IPO4: variants seen among roughly 807,000 people sequenced by gnomAD.
IPO4 encodes importin-4.
A neutral mutation model predicts 133.5 loss-of-function variants in IPO4; 91 were observed. The ratio of observed to expected loss-of-function variants is 0.68; its 90% CI spans 0.58 to 0.81. The LOEUF (loss-of-function observed/expected upper bound fraction) is 0.81. Ranked by LOEUF, IPO4 falls within the 30% of genes least tolerant of loss-of-function variation. The pLI is 0.00. For synonymous variants in IPO4, 607 were observed against 581.6 expected, an observed-to-expected ratio of 1.04 and a Z score of -0.63; for missense variants, 1,279 against 1,386.2, an observed-to-expected ratio of 0.92 and a Z score of 1.23.
chr14:24,181,872 G>A (rs763009983), intron 26 of IPO4, 29 bp from the exon 27 acceptor site: 21 of 1,602,006 alleles, frequency 1.3e-5, no homozygotes, highest in Admixed American at 3.3e-5. Flanking sequence ...ATGGCCACAC[G>A]CTCAGGTAGA....
intron 27 of IPO4, 25 bp downstream of exon 27, chr14:24,181,686 C>T: frequency 6.2e-7 from 1 of 1,610,006 alleles, no homozygotes; most frequent in South Asian, 1.1e-5. Context: ...GCTTCCAAGC[C>T]CTGCCTGATG....
Position 24,187,756 on chromosome 14 carries a change from T to G in IPO4, c.319A>C (p.Ile107Leu). Reference protein sequence around the residue: ...SLSLAQLSATIFRKEGLEAWP... With the variant: ...SLSLAQLSATLFRKEGLEAWP... The stretch of plus-strand genomic sequence containing the variant: ...GCCTCCAAGCCTTCCTTTCGAAAAA[T>G]GGTGGCTGAGAGCTGGGCCAGGCTG... Residue 107 changes from isoleucine to leucine, a missense_variant, in exon 5 of 30, where the codon ATT (isoleucine) becomes CTT (leucine). Physicochemically the swap from Ile to Leu is conservative, Grantham distance 5. Around this residue, in one of 3 missense-constraint regions of IPO4, gnomAD observed 695 missense variants for 704.1 expected, o/e 0.99. Transcript: ENST00000354464. 1 of 1,613,924 alleles carries G rather than the reference T, an allele frequency of 6.2e-7. No homozygotes were observed. The highest frequency in any genetic ancestry group is 8.5e-7 in the Non-Finnish European group (1 of 1,179,968).
chr14:24,182,181 G>C lies in IPO4; in HGVS notation c.2599-18C>G. ...CCCTGTTTCTGATGGGGGAGAACAG[G>C]AAGGAGTACAGATCAGCCTGGGCCA... On this transcript the variant is annotated intron_variant, in intron 25 of 29. Coordinates refer to ENST00000354464, the MANE Select transcript of IPO4 (RefSeq NM_024658.4). 1 of 1,614,122 alleles carries C rather than the reference G, an allele frequency of 6.2e-7. No individual in the cohort carries two copies. Among genetic ancestry groups the C allele is most frequent in the Non-Finnish European group, 8.5e-7 (1 of 1,180,002 alleles).
chr14:24,183,904 G>C lies in IPO4; in HGVS notation c.1870-6C>G. On this transcript the variant is annotated splice_polypyrimidine_tract_variant and splice_region_variant and intron_variant, in intron 18 of 29. Transcript: ENST00000354464. ...CTGCTCCCGTCATACTGAGGCTGGA[G>C]CGGAGGCACGGCAAGGACTTTGGCT... 6.2e-7 allele frequency: 1 copy of C among 1,613,962 alleles called. No homozygotes were observed. The highest frequency in any genetic ancestry group is 8.5e-7 in the Non-Finnish European group (1 of 1,180,024).
At chr14:24,186,650 G>A in intron 9 of IPO4, 58 bp downstream of exon 9, 1 of 1,508,628 alleles carries the variant, frequency 6.6e-7, no homozygotes, top group African/African-American at 1.4e-5. Context: ...AGCCCCAGGA[G>A]TGAGACTAAG....
At chr14:24,185,422 C>T (rs755687777) in intron 13 of IPO4, 37 bp downstream of exon 13, 1 of 1,610,254 alleles carries the variant, frequency 6.2e-7, no homozygotes, top group Admixed American at 1.7e-5. Flanking sequence ...GGGAAGGGGA[C>T]ATTCAAGTGG....
intron 5 of IPO4, 24 bp from the exon 6 acceptor site, chr14:24,187,603 G>C: frequency 6.2e-7 from 1 of 1,614,054 alleles, no homozygotes; most frequent in African/African-American, 1.3e-5. Flanking sequence ...GAGGATGGGA[G>C]AGCAAGCTTA....
In IPO4 at chr14:24,182,794, GATC is replaced by G; in HGVS notation, c.2467_2469del (p.Asp823del). 9.3e-6 allele frequency: 15 copies of G among 1,614,126 alleles called. No homozygotes were observed. The highest frequency in any genetic ancestry group is 2.2e-5 in the East Asian group (1 of 44,878). Reference sequence around the variant, plus strand: ...CCGTTTTTATCCCTGGCTCTCACCTGATCATCATCTTCCTCTTCCTCCTCCTCG... The same window carrying G: ...CCGTTTTTATCCCTGGCTCTCACCTGATCATCTTCCTCTTCCTCCTCCTCG... On this transcript the variant is annotated inframe_deletion, in exon 24 of 30. Transcript: ENST00000354464.
chr14:24,182,289 C>T lies in IPO4; in HGVS notation c.2587G>A (p.Val863Met). ...PFFAGFLPLLVCKTKQGCTVA... is the reference protein window; with the variant it reads ...PFFAGFLPLLMCKTKQGCTVA... ...AGATGGACACTCACTGTCTTGCACA[C>T]CAATAATGGCAGGAAACCGGCAAAG... Residue 863 changes from valine (V) to methionine (M), a missense_variant, in exon 25 of 30, where the codon GTG (valine) becomes ATG (methionine). This residue lies in a region of IPO4 where 575 missense variants were observed against 653.4 expected (regional missense o/e 0.88). Coordinates refer to ENST00000354464, the MANE Select transcript of IPO4 (RefSeq NM_024658.4). The T allele has an allele frequency of 6.2e-7, 1 of 1,614,166 alleles. No individual in the cohort carries two copies. Among genetic ancestry groups the T allele is most frequent in the Non-Finnish European group, 8.5e-7 (1 of 1,180,012 alleles).
chr14:24,181,680 C>T (rs2039138698), intron 27 of IPO4, 31 bp downstream of exon 27: 1 of 1,610,782 alleles, frequency 6.2e-7, no homozygotes, highest in South Asian at 1.1e-5. Context: ...TCCTCAGCTT[C>T]CAAGCCCTGC....
Position 24,186,779 on chromosome 14 carries a change from C to G in IPO4, c.769G>C (p.Val257Leu). 1 of 1,613,780 alleles carries G rather than the reference C, an allele frequency of 6.2e-7. No homozygotes were observed. ...LTFCLEVARN[V>L]ALGNAIRIRI... is the part of the protein sequence containing the mutation. ...ATGCGTATCGCATTGCCCAGGGCCA[C>G]ATTTCTAGCTACCTGTCCACAGAAT... The change falls in exon 9 of 30, where the codon GTG becomes CTG. Residue 257 changes from valine (V) to leucine (L), a missense_variant. Physicochemically the swap from Val to Leu is conservative, Grantham distance 32. Around this residue, in one of 3 missense-constraint regions of IPO4, gnomAD observed 695 missense variants for 704.1 expected, o/e 0.99. Transcript: ENST00000354464.
Position 24,186,907 on chromosome 14 carries a change from G to C in IPO4, c.727C>G (p.Leu243Val). ...ESEVPVITPY[L>V]SEVLTFCLEV... Reference sequence around the variant, plus strand: ...AGGCAGAATGTGAGGACTTCAGAGAGGTAGGGGGTGATGACCGGCACCTCT... The same window carrying C: ...AGGCAGAATGTGAGGACTTCAGAGACGTAGGGGGTGATGACCGGCACCTCT... Residue 243 changes from leucine to valine, a missense_variant, in exon 8 of 30, where the codon CTC becomes GTC. Coordinates refer to ENST00000354464, the MANE Select transcript of IPO4 (RefSeq NM_024658.4). 6.2e-7 allele frequency: 1 copy of C among 1,614,188 alleles called. No individual in the cohort carries two copies.
rs771948607 is a variant in IPO4 at position 24,182,860 on chromosome 14, A to G, written c.2422-18T>C. ...CAGGCTGTCTACAAGAAGTAGCTCA[A>G]CTTAGCGGAGCTTTCACGCCCCTTC... is the stretch of plus-strand genomic sequence containing the variant. On this transcript the variant is annotated intron_variant, in intron 23 of 29. Transcript: ENST00000354464. The G allele has an allele frequency of 1.1e-5, 17 of 1,613,480 alleles. No individual in the cohort carries two copies. The South Asian group carries it at 1.8e-4, about 17-fold the overall frequency.
chr14:24,183,973 C>T, intron 18 of IPO4, 25 bp downstream of exon 18: 3 of 415,848 alleles, frequency 7.2e-6, no homozygotes, highest in Non-Finnish European at 1.4e-5. Context: ...GCAGGCCTGG[C>T]CCAGCCCACC....
In IPO4 at chr14:24,186,296, G is replaced by C; in HGVS notation, c.996C>G (p.Phe332Leu). Residue 332 changes from phenylalanine to leucine, a missense_variant, in exon 10 of 30, where the codon TTC (phenylalanine) becomes TTG (leucine). Phe to Leu is a conservative substitution (Grantham distance 22). Coordinates refer to ENST00000354464, the MANE Select transcript of IPO4 (RefSeq NM_024658.4). ...CTGCCCCACATCTCACTTGTACAGC[G>C]AAATGCTTGGGAGTCTCCCCCATCA... Reference protein sequence around the residue: ...IELMGETPKHFAVQVVDMLAL... With the variant: ...IELMGETPKHLAVQVVDMLAL... The C allele has an allele frequency of 6.2e-7, 1 of 1,605,964 alleles. No homozygotes were observed. Among genetic ancestry groups the C allele is most frequent in the South Asian group, 1.1e-5 (1 of 90,012 alleles).
chr14:24,187,584 C>T lies in IPO4; in HGVS notation c.409-5G>A. The stretch of plus-strand genomic sequence containing the variant: ...ACTTAGCAGCAAAAGCCCCATCTGT[C>T]CAAGAATAGAGGATGGGAGAGCAAG... On this transcript the variant is annotated splice_polypyrimidine_tract_variant and splice_region_variant and intron_variant, in intron 5 of 29. Coordinates refer to ENST00000354464, the MANE Select transcript of IPO4 (RefSeq NM_024658.4). 6.2e-7 allele frequency: 1 copy of T among 1,614,136 alleles called. No individual in the cohort carries two copies. Among genetic ancestry groups the T allele is most frequent in the Non-Finnish European group, 8.5e-7 (1 of 1,180,022 alleles).
chr14:24,187,814 C>A lies in IPO4; in HGVS notation c.279-18G>T. On this transcript the variant is annotated intron_variant, in intron 4 of 29. Coordinates refer to ENST00000354464, the MANE Select transcript of IPO4 (RefSeq NM_024658.4). ...CACAGTGCCTGCAAACAGGAGAGAT[C>A]TCCTCCAATCACCCTTCAATACCTT... 6.2e-7 allele frequency: 1 copy of A among 1,613,706 alleles called. No homozygotes were observed. Among genetic ancestry groups the A allele is most frequent in the Non-Finnish European group, 8.5e-7 (1 of 1,179,790 alleles).
intron 28 of IPO4, among the ~76,000 whole-genome samples, chr14:24,181,301 A>T (rs1170464530): frequency 2.0e-5 from 3 of 152,242 alleles, no homozygotes; most frequent in Non-Finnish European, 2.9e-5. Context: ...ACGTGGAGAA[A>T]GGAAGTCCCT....
rs2039174472 is a variant in IPO4 at position 24,183,609 on chromosome 14, C to G, written c.2044G>C (p.Glu682Gln). 2 of 1,614,112 alleles carry G rather than the reference C, an allele frequency of 1.2e-6. No individual in the cohort carries two copies. The change falls in exon 20 of 30, where the codon GAG becomes CAG. Residue 682 changes from glutamate (E) to glutamine (Q), a missense_variant. By Grantham distance (29) the Glu-to-Gln change is conservative. This residue lies in a region of IPO4 where 575 missense variants were observed against 653.4 expected (regional missense o/e 0.88). Transcript: ENST00000354464. ...EKEDTCAAVGEISVNTSVAFL... is the reference protein window; with the variant it reads ...EKEDTCAAVGQISVNTSVAFL... ...GCTCACCTGGTGTTCACAGAGATCT[C>G]CCCCACGGCAGCACAGGTGTCTTCC...
Sources: gnomAD v4.1 joint callset for allele counts (sites outside exome capture counted in the v4.1 genomes callset) on GRCh38, gnomAD v4.1.1 for gene constraint, gnomAD v4.1.1 regional missense constraint, MANE v1.5 for transcripts, NCBI Gene and HGNC (gene_info 2026-07-23, HGNC 2026-07-21) for gene names.